The following LHFPL7 variants were observed in gnomAD, a reference collection of about 807,000 sequenced individuals.
The protein encoded by LHFPL7 is LHFPL tetraspan subfamily member 7 protein.
At chr22:24,935,241 G>C in the LHFPL7 span, 1 of 1,504,172 alleles carries the variant, frequency 6.6e-7, no homozygotes. Context: ...AAGTCACACA[G>C]CAAGAAGGAG....
At chr22:24,936,695 G>T in the LHFPL7 span, among the ~76,000 whole-genome samples, 41 of 152,054 alleles carry the variant, frequency 2.7e-4, no homozygotes, top group Middle Eastern at 0.01. Flanking sequence ...TATTCTTCAG[G>T]TTCCCATTAC....
the LHFPL7 span, among the ~76,000 whole-genome samples, chr22:24,940,088 C>A: frequency 6.6e-6 from 1 of 150,756 alleles, no homozygotes; most frequent in Admixed American, 6.6e-5. Context: ...CCACCGCGCC[C>A]GGCTAATTTT....
chr22:24,935,610 A>G, the LHFPL7 span: 18 of 1,603,750 alleles, frequency 1.1e-5, no homozygotes, highest in Non-Finnish European at 1.5e-5. Context: ...AGATAGCAGG[A>G]AGGAAAGACA....
chr22:24,938,503 G>A, the LHFPL7 span, among the ~76,000 whole-genome samples: 167 of 152,296 alleles, frequency 1.1e-3, no homozygotes, highest in African/African-American at 3.8e-3. Flanking sequence ...AAAAGAAACT[G>A]TCCAAGAAAA....
At chr22:24,941,300 C>T in the LHFPL7 span, among the ~76,000 whole-genome samples, 1 of 152,088 alleles carries the variant, frequency 6.6e-6, no homozygotes, top group African/African-American at 2.4e-5. Context: ...TCCCGAGTAG[C>T]TGGGACTACA....
chr22:24,944,911 G>A, the LHFPL7 span, among the ~76,000 whole-genome samples: 1 of 151,936 alleles, frequency 6.6e-6, no homozygotes, highest in Non-Finnish European at 1.5e-5. Flanking sequence ...TCGGGTTCAA[G>A]CAATTCTCCT....
the LHFPL7 span, among the ~76,000 whole-genome samples, chr22:24,938,496 A>G: frequency 6.6e-6 from 1 of 152,250 alleles, no homozygotes; most frequent in Non-Finnish European, 1.5e-5. Context: ...TTACATAAAA[A>G]GAAACTGTCC....
chr22:24,942,734 G>A, the LHFPL7 span, among the ~76,000 whole-genome samples: 2 of 152,156 alleles, frequency 1.3e-5, no homozygotes, highest in Non-Finnish European at 2.9e-5. Flanking sequence ...CTGGACTAGG[G>A]GCAGACAGTG....
the LHFPL7 span, chr22:24,946,566 A>G: frequency 3.6e-3 from 554 of 152,018 alleles, 4 homozygotes; most frequent in Non-Finnish European, 5.7e-3. Flanking sequence ...GTCCCTCCAG[A>G]CTCACCACAC....
the LHFPL7 span, among the ~76,000 whole-genome samples, chr22:24,939,017 C>T: frequency 1.3e-5 from 2 of 152,162 alleles, no homozygotes; most frequent in Non-Finnish European, 2.9e-5. Flanking sequence ...CTACATTGGC[C>T]GGCAGCTGCC....
At chr22:24,942,773 T>C in the LHFPL7 span, among the ~76,000 whole-genome samples, 1 of 152,046 alleles carries the variant, frequency 6.6e-6, no homozygotes, top group Admixed American at 6.6e-5. Context: ...CAGGGTGATA[T>C]GATGGAAAAA....
the LHFPL7 span, chr22:24,935,698 AC>A: frequency 7.1e-7 from 1 of 1,417,278 alleles, no homozygotes; most frequent in Non-Finnish European, 9.5e-7. Flanking sequence ...CCATCTATCC[AC>A]CCACTCATTC....
At chr22:24,938,404 A>AGGG in the LHFPL7 span, 1 of 1,563,014 alleles carries the variant, frequency 6.4e-7, no homozygotes, top group Non-Finnish European at 8.7e-7. Context: ...TGGCTGGGAC[A>AGGG]GGGGCAGGTG....
At chr22:24,938,698 T>C in the LHFPL7 span, among the ~76,000 whole-genome samples, 7 of 152,210 alleles carry the variant, frequency 4.6e-5, no homozygotes, top group Admixed American at 3.3e-4. Flanking sequence ...ATCACCCTTA[T>C]AACAATCAAT....
At chr22:24,946,442 C>CA in the LHFPL7 span, 49 of 139,784 alleles carry the variant, frequency 3.5e-4, no homozygotes, top group African/African-American at 9.7e-4. Flanking sequence ...CACACACACA[C>CA]AATTGTATGT....
the LHFPL7 span, chr22:24,935,343 A>G: frequency 6.2e-7 from 1 of 1,611,510 alleles, no homozygotes; most frequent in African/African-American, 1.3e-5. Flanking sequence ...TTATTTGTTC[A>G]TTTCTGGCAC....
the LHFPL7 span, among the ~76,000 whole-genome samples, chr22:24,943,212 A>G: frequency 2.6e-5 from 4 of 152,122 alleles, no homozygotes; most frequent in Admixed American, 2.0e-4. Context: ...ACCTAGGCCT[A>G]TGATTGTGCC....
the LHFPL7 span, chr22:24,939,432 C>A: frequency 4.3e-6 from 3 of 702,862 alleles, no homozygotes; most frequent in Admixed American, 6.0e-5. Context: ...GGTGAGGATG[C>A]CAAAGGAGAA....
At chr22:24,945,251 C>T in the LHFPL7 span, among the ~76,000 whole-genome samples, 1 of 152,108 alleles carries the variant, frequency 6.6e-6, no homozygotes, top group Admixed American at 6.6e-5. Context: ...TGGTCTTTAG[C>T]AGGGGTATGA....
Sources: allele counts gnomAD v4.1 joint callset (sites outside exome capture counted in the v4.1 genomes callset), GRCh38; gene constraint gnomAD v4.1.1; transcripts MANE v1.5; gene names NCBI Gene and HGNC (gene_info 2026-07-23, HGNC 2026-07-21).